CWC27: variants seen among roughly 807,000 people sequenced by gnomAD.
CWC27 encodes the protein CWC27 spliceosome associated cyclophilin, also known as spliceosome-associated protein CWC27 homolog.
Under a neutral mutation model 63.6 loss-of-function variants are expected in CWC27, and 47 were observed. The observed-to-expected ratio is 0.74, with a 90% confidence interval of 0.58 to 0.94. The LOEUF (loss-of-function observed/expected upper bound fraction) is 0.94. Ranked by LOEUF, CWC27 falls within the 40% of genes least tolerant of loss-of-function variation. The pLI, the probability that CWC27 is intolerant of heterozygous loss-of-function variation, is 0.00. For missense variants in CWC27, 495 were observed against 554.3 expected (o/e 0.89, Z 1.07); for synonymous variants, 175 against 179.8 (o/e 0.97, Z 0.22).
intron 3 of CWC27, among the ~76,000 whole-genome samples, chr5:64,782,969 C>T (rs1743752908): frequency 6.6e-6 from 1 of 152,130 alleles, no homozygotes; most frequent in African/African-American, 2.4e-5. Flanking sequence ...GACAGAATAG[C>T]TGTTTTTGAC....
intron 10 of CWC27, among the ~76,000 whole-genome samples, chr5:64,854,955 C>T (rs1463113700): frequency 2.6e-5 from 4 of 151,638 alleles, no homozygotes; most frequent in Non-Finnish European, 5.9e-5. Flanking sequence ...AAAGATTTAT[C>T]GTCAAAAAAA....
At chr5:64,908,504 T>C (rs1319085521) in intron 11 of CWC27, among the ~76,000 whole-genome samples, 2 of 152,170 alleles carry the variant, frequency 1.3e-5, no homozygotes, top group Non-Finnish European at 2.9e-5. Context: ...CCCATTATTA[T>C]TGTGTGGGAG....
intron 10 of CWC27, among the ~76,000 whole-genome samples, chr5:64,862,262 C>T (rs1746429283): frequency 6.6e-6 from 1 of 152,162 alleles, no homozygotes; most frequent in Non-Finnish European, 1.5e-5. Flanking sequence ...CACAGCCACA[C>T]TGCATATTTA....
intron 11 of CWC27, among the ~76,000 whole-genome samples, chr5:64,897,134 G>A (rs977476729): frequency 2.6e-5 from 4 of 152,120 alleles, no homozygotes; most frequent in African/African-American, 7.2e-5. Context: ...GCTAGAACCC[G>A]GGAGGCAGAG....
intron 11 of CWC27, among the ~76,000 whole-genome samples, chr5:64,921,741 CT>C (rs1239381892): frequency 3.3e-5 from 5 of 152,056 alleles, no homozygotes; most frequent in Admixed American, 3.3e-4. Context: ...TGTATAGTTG[CT>C]TTATAGTGTC....
At chr5:64,871,548 G>A (rs551606067) in intron 10 of CWC27, among the ~76,000 whole-genome samples, 73 of 152,220 alleles carry the variant, frequency 4.8e-4, no homozygotes, top group African/African-American at 1.8e-3. Flanking sequence ...AGTGAGGCAA[G>A]AGATAAAGAT....
At chr5:65,001,159 G>C (rs1749725325) in intron 13 of CWC27, among the ~76,000 whole-genome samples, 1 of 151,962 alleles carries the variant, frequency 6.6e-6, no homozygotes, top group African/African-American at 2.4e-5. Flanking sequence ...ACTGATTTTT[G>C]TATGTTGGGC....
At chr5:64,851,746 A>G (rs1193390313) in intron 10 of CWC27, among the ~76,000 whole-genome samples, 3 of 152,124 alleles carry the variant, frequency 2.0e-5, no homozygotes, top group African/African-American at 4.8e-5. Context: ...TATATGATTT[A>G]ATTTAGATGC....
chr5:65,018,098 T>C (rs980702687), intron 13 of CWC27, 61 bp from the exon 14 acceptor site: 3 of 1,401,538 alleles, frequency 2.1e-6, no homozygotes, highest in African/African-American at 2.9e-5. Flanking sequence ...TAGTAGAGTA[T>C]AGAATTTCTA....
chr5:64,982,833 G>A (rs1278762705), intron 13 of CWC27, among the ~76,000 whole-genome samples: 2 of 152,182 alleles, frequency 1.3e-5, no homozygotes, highest in Non-Finnish European at 2.9e-5. Context: ...CTGGTCCATG[G>A]CCTGTTAGGA....
chr5:65,012,144 A>G (rs138816698), intron 13 of CWC27, among the ~76,000 whole-genome samples: 1 of 152,276 alleles, frequency 6.6e-6, no homozygotes, highest in Non-Finnish European at 1.5e-5. Flanking sequence ...GCACTACTCT[A>G]TCTGATTTCT....
At chr5:64,797,048 G>T (rs1744302735) in intron 7 of CWC27, among the ~76,000 whole-genome samples, 1 of 147,050 alleles carries the variant, frequency 6.8e-6, no homozygotes, top group East Asian at 2.0e-4. Context: ...TGAAGTTCCA[G>T]ATAACATAAT....
chr5:65,017,588 G>A (rs1463911129), intron 13 of CWC27, among the ~76,000 whole-genome samples: 1 of 152,194 alleles, frequency 6.6e-6, no homozygotes, highest in Admixed American at 6.5e-5. Context: ...AGTCCATAGA[G>A]TTATGTCAAA....
intron 11 of CWC27, among the ~76,000 whole-genome samples, chr5:64,896,385 A>C (rs1377766354): frequency 6.6e-6 from 1 of 152,224 alleles, no homozygotes; most frequent in Admixed American, 6.5e-5. Flanking sequence ...TAAATATATG[A>C]ATAAATCTAA....
At chr5:64,929,403 A>T (rs1748190009) in intron 11 of CWC27, among the ~76,000 whole-genome samples, 1 of 152,176 alleles carries the variant, frequency 6.6e-6, no homozygotes, top group African/African-American at 2.4e-5. Context: ...GCTCCTGAAA[A>T]TGATGGTGGC....
intron 11 of CWC27, among the ~76,000 whole-genome samples, chr5:64,906,553 G>C (rs1747645550): frequency 1.3e-5 from 2 of 151,734 alleles, no homozygotes; most frequent in Non-Finnish European, 2.9e-5. Flanking sequence ...TAAGTTCTTT[G>C]TAGATTCTGG....
rs147313340 is a variant in CWC27 at position 64,939,499 on chromosome 5, A to T, written c.1043-32204A>T. Among the ~76,000 whole-genome samples, 1,289 of 152,304 alleles carry T rather than the reference A, an allele frequency of 8.5e-3. 19 individuals carry two copies. The highest frequency in any genetic ancestry group is 0.031 in the Middle Eastern group (9 of 294). On this transcript the variant is annotated intron_variant, in intron 11 of 13. Transcript: ENST00000381070. ...TTCCTTCTTCTGGAAGCTTCATCCC[A>T]GAGGGGAACCCGCCAGATGCCAGCT... is the stretch of plus-strand genomic sequence containing the variant.
intron 10 of CWC27, among the ~76,000 whole-genome samples, chr5:64,859,470 G>A (rs1746345038): frequency 1.3e-5 from 2 of 152,132 alleles, no homozygotes; most frequent in Non-Finnish European, 2.9e-5. Flanking sequence ...TTTCAAAGCA[G>A]CAAAACCTGA....
intron 11 of CWC27, among the ~76,000 whole-genome samples, chr5:64,902,801 T>C (rs962113823): frequency 3.9e-5 from 6 of 152,180 alleles, no homozygotes; most frequent in Admixed American, 3.9e-4. Flanking sequence ...TATAAATCAA[T>C]TTGAAGAAAA....
Sources: gnomAD v4.1 joint callset for allele counts (sites outside exome capture counted in the v4.1 genomes callset) on GRCh38, gnomAD v4.1.1 for gene constraint, MANE v1.5 for transcripts, NCBI Gene and HGNC (gene_info 2026-07-23, HGNC 2026-07-21) for gene names.